Variants in GALNT13 observed in about 807,000 individuals in gnomAD.
GALNT13 encodes polypeptide N-acetylgalactosaminyltransferase 13.
Under a neutral mutation model 64.2 loss-of-function variants are expected in GALNT13, and 28 were observed. The ratio of observed to expected loss-of-function variants is 0.44; its 90% CI spans 0.32 to 0.60. The LOEUF (loss-of-function observed/expected upper bound fraction) is 0.60. GALNT13 is among the 20% of genes least tolerant of loss of function. The probability of loss-of-function intolerance (pLI) is 0.05; values close to 1 mark genes in which losing one functional copy is unlikely to be tolerated. For missense variants in GALNT13, 577 were observed against 669.8 expected (o/e 0.86, Z 1.53); for synonymous variants, 214 against 224.6 (o/e 0.95, Z 0.42).
chr2:154,264,985 AT>A (rs1195761381), intron 8 of GALNT13, among the ~76,000 whole-genome samples: 6 of 150,848 alleles, frequency 4.0e-5, no homozygotes, highest in Non-Finnish European at 7.4e-5. Context: ...AAAAATATAT[AT>A]ATATGGAAAA....
the GALNT13 span, among the ~76,000 whole-genome samples, chr2:153,416,220 AAAAGGCAATGTCC>A: frequency 6.6e-6 from 1 of 152,220 alleles, no homozygotes. Context: ...TAGTCTTTGA[AAAAGGCAATGTCC>A]AAAGCCATGT....
the GALNT13 span, among the ~76,000 whole-genome samples, chr2:153,316,356 G>C: frequency 3.3e-5 from 5 of 152,014 alleles, no homozygotes; most frequent in African/African-American, 1.2e-4. Flanking sequence ...AAAAACACTT[G>C]TACAGGCCTG....
At chr2:154,056,287 A>T (rs72995331) in intron 3 of GALNT13, among the ~76,000 whole-genome samples, 1,574 of 152,272 alleles carry the variant, frequency 0.01, 31 homozygotes, top group African/African-American at 0.035. Context: ...TAAGTTGACA[A>T]TGCATTTTAT....
the GALNT13 span, among the ~76,000 whole-genome samples, chr2:153,611,238 C>G: frequency 6.6e-6 from 1 of 152,082 alleles, no homozygotes; most frequent in Non-Finnish European, 1.5e-5. Context: ...TATTTGGGTT[C>G]AAAGTAATTT....
rs565931729 is a variant in GALNT13 at position 154,201,616 on chromosome 2, TA to T, written c.312-40410del. 4.0e-3 allele frequency among the ~76,000 whole-genome samples: 607 copies of T among 152,266 alleles called. 5 individuals carry two copies. The highest frequency in any genetic ancestry group is 6.8e-3 in the Middle Eastern group (2 of 294). ...CAGAGGCTACCAAAACCACTGACCA[TA>T]AAATGTTGTTCTTTAGATCACATTT... On this transcript the variant is annotated intron_variant, in intron 4 of 12. Coordinates refer to ENST00000392825, the MANE Select transcript of GALNT13 (RefSeq NM_052917.4).
the GALNT13 span, among the ~76,000 whole-genome samples, chr2:153,105,855 T>G: frequency 5.4e-3 from 823 of 152,258 alleles, 6 homozygotes; most frequent in African/African-American, 0.016. Context: ...CACTGCTCAA[T>G]GAAATAAAAG....
At chr2:153,358,658 A>G in the GALNT13 span, among the ~76,000 whole-genome samples, 8 of 152,232 alleles carry the variant, frequency 5.3e-5, no homozygotes, top group African/African-American at 1.7e-4. Context: ...TGTAGAAATA[A>G]TATAAAATGA....
intron 4 of GALNT13, among the ~76,000 whole-genome samples, chr2:154,211,606 C>A: frequency 1.1e-5 from 1 of 94,660 alleles, no homozygotes; most frequent in South Asian, 3.8e-4. Flanking sequence ...CCAGCCTGGG[C>A]AACAAGAGCG....
rs1023626327 is a variant in GALNT13 at position 154,241,231 on chromosome 2, T to C, written c.312-799T>C. 2.6e-5 allele frequency among the ~76,000 whole-genome samples: 4 copies of C among 152,132 alleles called. No homozygotes were observed. The East Asian group carries it at 7.8e-4, about 30-fold the overall frequency. On this transcript the variant is annotated intron_variant, in intron 4 of 12. Coordinates refer to ENST00000392825, the MANE Select transcript of GALNT13 (RefSeq NM_052917.4). ...CACAGGATGGCAGGCCAGGGCGGTC[T>C]TGGGAAATCCAACATTTGGGCAGGA...
At chr2:153,329,679 C>A in the GALNT13 span, among the ~76,000 whole-genome samples, 558 of 152,196 alleles carry the variant, frequency 3.7e-3, 1 homozygote, top group Non-Finnish European at 5.1e-3. Flanking sequence ...GGATATTATA[C>A]CCTTGTTGAT....
intron 2 of GALNT13, among the ~76,000 whole-genome samples, chr2:153,935,032 T>A (rs2105364802): frequency 6.6e-6 from 1 of 152,246 alleles, no homozygotes; most frequent in African/African-American, 2.4e-5. Context: ...ATGTATTTAG[T>A]TTTTCTCATA....
intron 11 of GALNT13, among the ~76,000 whole-genome samples, chr2:154,432,635 G>C (rs1700761205): frequency 6.6e-6 from 1 of 152,136 alleles, no homozygotes; most frequent in Admixed American, 6.5e-5. Flanking sequence ...TCCTCTTCTA[G>C]CTTCCGGTGT....
At chr2:153,313,958 C>A in the GALNT13 span, among the ~76,000 whole-genome samples, 2 of 151,756 alleles carry the variant, frequency 1.3e-5, no homozygotes, top group Admixed American at 1.3e-4. Flanking sequence ...TCCAGTTATA[C>A]CCTTTTCTGT....
In GALNT13 at chr2:154,242,849, C is replaced by T. The variant is rs1689571278; in HGVS notation, c.630C>T (p.His210=). The change falls in exon 6 of 13, where the codon CAC becomes CAT. Residue 210 remains histidine (H), a synonymous_variant. Coordinates refer to ENST00000392825, the MANE Select transcript of GALNT13 (RefSeq NM_052917.4). ...KGQVITFLDA[H]CECTLGWLEP... Reference sequence around the variant, plus strand: ...AGGTCATAACTTTTCTTGATGCACACTGTGAATGCACGTTAGGATGGCTGG... The same window carrying T: ...AGGTCATAACTTTTCTTGATGCACATTGTGAATGCACGTTAGGATGGCTGG... 2 of 1,614,020 alleles carry T rather than the reference C, an allele frequency of 1.2e-6. No homozygotes were observed. Among genetic ancestry groups the T allele is most frequent in the South Asian group, 2.2e-5 (2 of 91,086 alleles).
chr2:153,540,042 T>C, the GALNT13 span, among the ~76,000 whole-genome samples: 1 of 152,072 alleles, frequency 6.6e-6, no homozygotes, highest in Non-Finnish European at 1.5e-5. Flanking sequence ...GCCAAGACAA[T>C]GTGGAAAATG....
chr2:153,352,185 A>G, the GALNT13 span, among the ~76,000 whole-genome samples: 2 of 151,976 alleles, frequency 1.3e-5, no homozygotes, highest in Non-Finnish European at 2.9e-5. Context: ...TACTGTTTTT[A>G]TTTGCATTTC....
chr2:153,192,019 C>A, the GALNT13 span, among the ~76,000 whole-genome samples: 1 of 151,482 alleles, frequency 6.6e-6, no homozygotes, highest in Admixed American at 6.6e-5. Flanking sequence ...TTTTGTTGAT[C>A]TTTTGTATTT....
chr2:153,279,689 T>TTGCTCCCC, the GALNT13 span, among the ~76,000 whole-genome samples: 1 of 152,176 alleles, frequency 6.6e-6, no homozygotes, highest in Non-Finnish European at 1.5e-5. Flanking sequence ...TGAACCAACC[T>TTGCTCCCC]TGCTCCCCAA....
At chr2:153,404,238 C>T in the GALNT13 span, among the ~76,000 whole-genome samples, 1 of 152,042 alleles carries the variant, frequency 6.6e-6, no homozygotes, top group Admixed American at 6.6e-5. Context: ...AACAAAGACA[C>T]GTACAGCCCC....
Sources: gnomAD v4.1 joint callset for allele counts (sites outside exome capture counted in the v4.1 genomes callset) on GRCh38, gnomAD v4.1.1 for gene constraint, MANE v1.5 for transcripts, NCBI Gene and HGNC (gene_info 2026-07-23, HGNC 2026-07-21) for gene names.